CHN1: variants seen among roughly 807,000 people sequenced by gnomAD.
The protein encoded by CHN1 is N-chimaerin.
A neutral mutation model predicts 59.5 loss-of-function variants in CHN1; 37 were observed. The observed-to-expected ratio is 0.62, with a 90% CI of 0.48 to 0.82. CHN1 has a LOEUF of 0.82. Ranked by LOEUF, CHN1 falls within the 40% of genes least tolerant of loss-of-function variation. CHN1 has a pLI of 0.00. For synonymous variants in CHN1, 206 were observed against 200.4 expected, an observed-to-expected ratio of 1.03 and a Z score of -0.24; for missense variants, 469 against 571.0, an observed-to-expected ratio of 0.82 and a Z score of 1.82.
chr2:174,863,771 G>C (rs1185001671), intron 6 of CHN1, among the ~76,000 whole-genome samples: 4 of 151,912 alleles, frequency 2.6e-5, no homozygotes, highest in Admixed American at 2.6e-4. Context: ...TAGATAGAAA[G>C]ATAAATACAT....
At chr2:174,977,330 A>T (rs1244273043) in intron 1 of CHN1, among the ~76,000 whole-genome samples, 1 of 152,236 alleles carries the variant, frequency 6.6e-6, no homozygotes, top group Non-Finnish European at 1.5e-5. Flanking sequence ...AACCATTATC[A>T]TTAGAGTCCA....
At chr2:174,996,156 G>A (rs1559015567) in intron 1 of CHN1, among the ~76,000 whole-genome samples, 1 of 152,152 alleles carries the variant, frequency 6.6e-6, no homozygotes, top group Non-Finnish European at 1.5e-5. Context: ...CCTCCCAAAG[G>A]AGAAGCAAAC....
At chr2:174,834,342 T>G (rs1685994266) in intron 7 of CHN1, among the ~76,000 whole-genome samples, 1 of 152,236 alleles carries the variant, frequency 6.6e-6, no homozygotes, top group Non-Finnish European at 1.5e-5. Flanking sequence ...TACCCATGCT[T>G]ACTATTACTT....
At chr2:174,884,888 A>G (rs1404137966) in intron 5 of CHN1, among the ~76,000 whole-genome samples, 1 of 152,230 alleles carries the variant, frequency 6.6e-6, no homozygotes, top group African/African-American at 2.4e-5. Flanking sequence ...AGTACTTGGC[A>G]TATATCATGC....
intron 7 of CHN1, among the ~76,000 whole-genome samples, chr2:174,828,988 G>A (rs1416429081): frequency 2.0e-5 from 3 of 152,154 alleles, no homozygotes; most frequent in African/African-American, 7.2e-5. Flanking sequence ...CCTTGTAAGT[G>A]GGCCACAGAT....
intron 7 of CHN1, among the ~76,000 whole-genome samples, chr2:174,832,544 T>A (rs920786598): frequency 6.6e-6 from 1 of 152,128 alleles, no homozygotes; most frequent in African/African-American, 2.4e-5. Context: ...TTCTAATGTA[T>A]CTTGTGATTT....
intron 3 of CHN1, among the ~76,000 whole-genome samples, chr2:174,935,243 TC>T (rs976658066): frequency 6.6e-6 from 1 of 152,192 alleles, no homozygotes; most frequent in Non-Finnish European, 1.5e-5. Context: ...ACCGCTCCAT[TC>T]CCCACCTAGA....
intron 3 of CHN1, chr2:174,921,014 G>A (rs543845716): frequency 6.3e-4 from 262 of 414,500 alleles, no homozygotes; most frequent in South Asian, 1.4e-3. Flanking sequence ...AATAGGGTTC[G>A]CGTTCCCATG....
Position 174,918,515 on chromosome 2 carries a change from T to C in CHN1, c.146+19A>G. 6.4e-7 allele frequency: 1 copy of C among 1,569,500 alleles called. No homozygotes were observed. Among genetic ancestry groups the C allele is most frequent in the Non-Finnish European group, 8.7e-7 (1 of 1,155,182 alleles). On this transcript the variant is annotated intron_variant, in intron 4 of 12. Coordinates refer to ENST00000409900, the MANE Select transcript of CHN1 (RefSeq NM_001822.7). ...ACATATGCCAATCTATAAAACGTTT[T>C]CTAATAATCCATACTTACTCTCTTC... is the stretch of plus-strand genomic sequence containing the variant.
chr2:174,828,856 C>T (rs1013272072), intron 7 of CHN1, among the ~76,000 whole-genome samples: 1 of 152,062 alleles, frequency 6.6e-6, no homozygotes, highest in Non-Finnish European at 1.5e-5. Context: ...ATTGCCACAC[C>T]CCCTAGAAAT....
rs1356504708 is a variant in CHN1 at position 174,801,794 on chromosome 2, T to G, written c.1121A>C (p.Glu374Ala). The change falls in exon 12 of 13, where the codon GAG (glutamate) becomes GCG (alanine). Residue 374 changes from glutamate to alanine, a missense_variant. Glu to Ala is a moderately radical substitution (Grantham distance 107). This residue lies in a region of CHN1 where 225 missense variants were observed against 289.9 expected (regional missense o/e 0.78). Transcript: ENST00000409900. Reference protein sequence around the residue: ...IESAKIMDPDEQLETLHEALK... With the variant: ...IESAKIMDPDAQLETLHEALK... ...TGCTTCATGAAGGGTTTCCAATTGC[T>G]CATCCGGATCCATAATTTCTAAAAT... is the stretch of plus-strand genomic sequence containing the variant. The G allele has an allele frequency of 6.2e-7, 1 of 1,612,814 alleles. No individual in the cohort carries two copies. Among genetic ancestry groups the G allele is most frequent in the Admixed American group, 1.7e-5 (1 of 60,002 alleles).
chr2:174,976,058 G>A (rs1264123351), intron 1 of CHN1, among the ~76,000 whole-genome samples: 4 of 145,484 alleles, frequency 2.7e-5, no homozygotes, highest in African/African-American at 7.7e-5. Context: ...CCCGGGAGGC[G>A]GAGCTTGCAG....
At chr2:174,909,622 A>C (rs553309019) in intron 5 of CHN1, among the ~76,000 whole-genome samples, 124 of 152,362 alleles carry the variant, frequency 8.1e-4, no homozygotes, top group African/African-American at 2.8e-3. Flanking sequence ...CTTAGACTGA[A>C]GCTGATGCTG....
chr2:174,929,797 A>G (rs1180615230), intron 3 of CHN1, among the ~76,000 whole-genome samples: 2 of 152,230 alleles, frequency 1.3e-5, no homozygotes, highest in African/African-American at 4.8e-5. Context: ...TGTTTATTTA[A>G]TAATTAACTG....
At chr2:174,976,717 C>T (rs998721227) in intron 1 of CHN1, among the ~76,000 whole-genome samples, 10 of 152,164 alleles carry the variant, frequency 6.6e-5, no homozygotes, top group Admixed American at 2.6e-4. Context: ...GAAAAGAGAG[C>T]CATCTTCTTT....
At chr2:174,887,129 AGCTGATG>A (rs1299207451) in intron 5 of CHN1, among the ~76,000 whole-genome samples, 2 of 152,158 alleles carry the variant, frequency 1.3e-5, no homozygotes, top group Non-Finnish European at 2.9e-5. Flanking sequence ...AATTACATTA[AGCTGATG>A]GCGATTCTTC....
chr2:174,921,599 T>C (rs1376069303), intron 3 of CHN1, among the ~76,000 whole-genome samples: 1 of 151,990 alleles, frequency 6.6e-6, no homozygotes, highest in African/African-American at 2.4e-5. Context: ...GCATACGTGA[T>C]GAAACTGGGT....
At chr2:174,908,473 A>G (rs569205908) in intron 5 of CHN1, among the ~76,000 whole-genome samples, 1 of 152,316 alleles carries the variant, frequency 6.6e-6, no homozygotes, top group Non-Finnish European at 1.5e-5. Context: ...CAAATTCTTA[A>G]GCATGAAATT....
chr2:174,887,931 T>C (rs1687938300), intron 5 of CHN1, among the ~76,000 whole-genome samples: 1 of 152,228 alleles, frequency 6.6e-6, no homozygotes, highest in South Asian at 2.1e-4. Context: ...AACCAAGATG[T>C]ACAAGACTTC....
Sources: gnomAD v4.1 joint callset for allele counts (sites outside exome capture counted in the v4.1 genomes callset) on GRCh38, gnomAD v4.1.1 for gene constraint, gnomAD v4.1.1 regional missense constraint, MANE v1.5 for transcripts, NCBI Gene and HGNC (gene_info 2026-07-23, HGNC 2026-07-21) for gene names.